LRRK2: variants seen among roughly 807,000 people sequenced by gnomAD.
LRRK2 encodes leucine rich repeat kinase 2.
Under a neutral mutation model 302.6 loss-of-function variants are expected in LRRK2, and 203 were observed. The ratio of observed to expected loss-of-function variants is 0.67; its 90% CI spans 0.60 to 0.75. The LOEUF is 0.75. LRRK2 is among the 30% of genes least tolerant of loss of function. LRRK2 has a pLI of 0.00. For synonymous variants in LRRK2, 1,066 were observed against 1,031.9 expected, an observed-to-expected ratio of 1.03 and a Z score of -0.63; for missense variants, 2,830 against 2,951.0, an observed-to-expected ratio of 0.96 and a Z score of 0.95.
intron 44 of LRRK2, among the ~76,000 whole-genome samples, chr12:40,352,469 C>CTTTTTTTTTTTTTTTTTTTTTTTTTT (rs1307806388): frequency 9.6e-6 from 1 of 104,536 alleles, no homozygotes. Flanking sequence ...GTTAAACAAT[C>CTTTTTTTTTTTTTTTTTTTTTTTTTT]TTTTTTTTTT....
rs530314360 is a variant in LRRK2 at position 40,245,261 on chromosome 12, T to A, written c.838+1580T>A. Among the ~76,000 whole-genome samples, 18 of 152,204 alleles carry A rather than the reference T, an allele frequency of 1.2e-4. 2 individuals carry two copies. The highest frequency in any genetic ancestry group is 4.3e-4 in the African/African-American group (18 of 41,544). ...AAGAACCCAATTCCCCCTCTTTTTT[T>A]CAGTGTGGAGAGCTAGTTACCATCA... On this transcript the variant is annotated intron_variant, in intron 7 of 50. Transcript: ENST00000298910.
chr12:40,335,818 C>T (rs1400748726), intron 40 of LRRK2, among the ~76,000 whole-genome samples: 6 of 152,220 alleles, frequency 3.9e-5, no homozygotes, highest in African/African-American at 1.4e-4. Context: ...CTCTTGATGT[C>T]CCCTCTGCCA....
intron 2 of LRRK2, among the ~76,000 whole-genome samples, chr12:40,228,391 G>A (rs1941004728): frequency 7.7e-6 from 1 of 129,056 alleles, no homozygotes; most frequent in South Asian, 2.5e-4. Context: ...GTCTTCTTTT[G>A]AGAAATGTCT....
In LRRK2 at chr12:40,359,421, C is replaced by T. The variant is rs771244881; in HGVS notation, c.7005C>T (p.Leu2335=). The T allele has an allele frequency of 1.9e-6, 3 of 1,613,080 alleles. No individual in the cohort carries two copies. Among genetic ancestry groups the T allele is most frequent in the South Asian group, 1.1e-5 (1 of 91,044 alleles). The change falls in exon 47 of 51, where the codon CTC becomes CTT. Residue 2335 remains leucine (L), a synonymous_variant. Transcript: ENST00000298910. ...CTAATGATTTCACCATTCAGAAACT[C>T]ATTGAGACAAGAACAAGCCAACTGT... ...SFSNDFTIQK[L]IETRTSQLFS... is the part of the protein sequence containing the mutation.
rs1486638902 is a variant in LRRK2, at chr12:40,322,882, CA to C, written c.5510-277del. 5.3e-5 allele frequency among the ~76,000 whole-genome samples: 8 copies of C among 152,044 alleles called. No individual in the cohort carries two copies. The South Asian group carries it at 1.0e-3, about 20-fold the overall frequency. On this transcript the variant is annotated intron_variant, in intron 37 of 50. Coordinates refer to ENST00000298910, the MANE Select transcript of LRRK2 (RefSeq NM_198578.4). ...TGCAGCTTCATGAATGTGGCAAAAGCAGAGAGTAGATAACTTTCTAGTCAGA... is the reference window on the plus strand; with the variant it reads ...TGCAGCTTCATGAATGTGGCAAAAGCGAGAGTAGATAACTTTCTAGTCAGA...
At chr12:40,240,322 T>G (rs1941668033) in intron 5 of LRRK2, among the ~76,000 whole-genome samples, 161 bp from the exon 6 acceptor site, 2 of 152,238 alleles carry the variant, frequency 1.3e-5, no homozygotes, top group African/African-American at 4.8e-5. Context: ...TTTCTCATTA[T>G]AACATTCTTA....
intron 7 of LRRK2, among the ~76,000 whole-genome samples, chr12:40,248,438 A>G (rs1942105735): frequency 6.6e-6 from 1 of 152,308 alleles, no homozygotes; most frequent in Non-Finnish European, 1.5e-5. Context: ...TTTTGAAAAT[A>G]AAAAGTGATC....
In LRRK2 at chr12:40,354,578, G is replaced by A. The variant is rs972184843; in HGVS notation, c.6770+86G>A. Reference sequence around the variant, plus strand: ...GCATAATTGTTATTGCATCAGCAAAGATTGTTCATTTTTAGCCTATTTTCA... The same window carrying A: ...GCATAATTGTTATTGCATCAGCAAAAATTGTTCATTTTTAGCCTATTTTCA... On this transcript the variant is annotated intron_variant, in intron 45 of 50. Coordinates refer to ENST00000298910, the MANE Select transcript of LRRK2 (RefSeq NM_198578.4). 4.0e-6 allele frequency: 5 copies of A among 1,234,862 alleles called. No homozygotes were observed. The Admixed American group carries it at 9.2e-5, about 23-fold the overall frequency. The allele number at this position is 1,234,862 out of a possible 1,614,324, so 76.5% of individuals were successfully genotyped here.
At chr12:40,335,200 T>G in intron 40 of LRRK2, 43 bp downstream of exon 40, 1 of 1,602,234 alleles carries the variant, frequency 6.2e-7, no homozygotes, top group Non-Finnish European at 8.5e-7. Flanking sequence ...ATGACAAGTG[T>G]GATCCAGACT....
chr12:40,321,201 T>C lies in LRRK2; in HGVS notation c.5170+13T>C, dbSNP rs1245043712. The C allele has an allele frequency of 1.2e-6, 2 of 1,607,990 alleles. No individual in the cohort carries two copies. Among genetic ancestry groups the C allele is most frequent in the South Asian group, 1.1e-5 (1 of 90,878 alleles). On this transcript the variant is annotated intron_variant, in intron 35 of 50. Transcript: ENST00000298910. ...CTTTCAGGGAGAGGTAAGTATCTAA[T>C]GAAGACTTATTAGATTTTTAGAGAC...
At chr12:40,357,839 C>A (rs113270307) in intron 46 of LRRK2, among the ~76,000 whole-genome samples, 342 of 152,314 alleles carry the variant, frequency 2.2e-3, no homozygotes, top group African/African-American at 7.8e-3. Flanking sequence ...GTGGCATGAT[C>A]ATAGCTTGTT....
chr12:40,255,574 C>T (rs1365271193), intron 11 of LRRK2, among the ~76,000 whole-genome samples: 1 of 152,130 alleles, frequency 6.6e-6, no homozygotes, highest in East Asian at 1.9e-4. Context: ...GGTTCCTGGA[C>T]CAGCAGCATT....
chr12:40,294,331 A>T (rs1242397179), intron 21 of LRRK2, among the ~76,000 whole-genome samples: 1 of 152,004 alleles, frequency 6.6e-6, no homozygotes, highest in East Asian at 1.9e-4. Context: ...CTAGTTGAGG[A>T]AATTGGGAGC....
At position 40,322,089 on chromosome 12, in the gene LRRK2, G is replaced by A; in HGVS notation, c.5225G>A (p.Trp1742Ter). ...MYWRQGIYLN[W>*]SPEAYCLVGS... Reference sequence around the variant, plus strand: ...TGGCGACAAGGCATTTACTTAAATTGGTCTCCTGAAGCTTATTGTCTGGTA... The same window carrying A: ...TGGCGACAAGGCATTTACTTAAATTAGTCTCCTGAAGCTTATTGTCTGGTA... The change falls in exon 36 of 51, where the codon TGG becomes TAG. Residue 1742 changes from tryptophan to a stop codon, truncating the protein, a stop_gained. Transcript: ENST00000298910. LOFTEE classifies it high-confidence loss of function. The A allele has an allele frequency of 6.2e-7, 1 of 1,613,420 alleles. No individual in the cohort carries two copies. Among genetic ancestry groups the A allele is most frequent in the Non-Finnish European group, 8.5e-7 (1 of 1,179,506 alleles).
At chr12:40,279,502 T>C (rs182802807) in intron 18 of LRRK2, among the ~76,000 whole-genome samples, 186 of 152,252 alleles carry the variant, frequency 1.2e-3, no homozygotes, top group Non-Finnish European at 1.4e-3. Context: ...ATCAATAATT[T>C]AATACATTTT....
At chr12:40,250,013 A>G (rs1036371350) in intron 8 of LRRK2, 68 bp downstream of exon 8, 2 of 1,576,738 alleles carry the variant, frequency 1.3e-6, no homozygotes, top group Non-Finnish European at 1.7e-6. Context: ...CATTGTAACA[A>G]GAGAATCATA....
At chr12:40,296,484 T>C (rs1460225388) in intron 23 of LRRK2, among the ~76,000 whole-genome samples, 2 of 152,056 alleles carry the variant, frequency 1.3e-5, no homozygotes, top group South Asian at 2.1e-4. Flanking sequence ...TATGAAAAAT[T>C]AGCCAGGTGT....
At position 40,335,084 on chromosome 12, in the gene LRRK2, C is replaced by T; in HGVS notation, c.5875C>T (p.Leu1959Phe). 1 of 1,614,088 alleles carries T rather than the reference C, an allele frequency of 6.2e-7. No homozygotes were observed. The highest frequency in any genetic ancestry group is 8.5e-7 in the Non-Finnish European group (1 of 1,179,994). Reference protein sequence around the residue: ...LASKGSLDRLLQQDKASLTRT... With the variant: ...LASKGSLDRLFQQDKASLTRT... The stretch of plus-strand genomic sequence containing the variant: ...CTCCAAGGGTTCCTTGGATCGCCTG[C>T]TTCAGCAGGACAAAGCCAGCCTCAC... The change falls in exon 40 of 51, where the codon CTT becomes TTT. Residue 1959 changes from leucine (L) to phenylalanine (F), a missense_variant. Coordinates refer to ENST00000298910, the MANE Select transcript of LRRK2 (RefSeq NM_198578.4).
intron 2 of LRRK2, among the ~76,000 whole-genome samples, chr12:40,231,805 A>G (rs1941209982): frequency 6.8e-6 from 1 of 147,320 alleles, no homozygotes; most frequent in Non-Finnish European, 1.5e-5. Context: ...ATATATATAT[A>G]TAATATATAT....
Sources: gnomAD v4.1 joint callset for allele counts (sites outside exome capture counted in the v4.1 genomes callset) on GRCh38, gnomAD v4.1.1 for gene constraint, MANE v1.5 for transcripts, NCBI Gene and HGNC (gene_info 2026-07-23, HGNC 2026-07-21) for gene names.